DEFB121: variants seen among roughly 807,000 people sequenced by gnomAD.
DEFB121 encodes the protein defensin beta 121.
A neutral mutation model predicts 2.5 loss-of-function variants in DEFB121; 5 were observed. That is an observed-to-expected ratio of 1.96 (90% CI 1.03 to 4.13). The LOEUF (loss-of-function observed/expected upper bound fraction) is 4.13, where lower values mean the gene tolerates loss of function less well. DEFB121 is among the 30% of genes most tolerant of loss of function. The probability of loss-of-function intolerance (pLI) is 0.00; values close to 1 mark genes in which losing one functional copy is unlikely to be tolerated. For synonymous variants in DEFB121, 39 were observed against 32.6 expected (o/e 1.20, Z -0.67); for missense variants, 87 against 85.0 (o/e 1.02, Z -0.09).
the DEFB121 span, among the ~76,000 whole-genome samples, chr20:31,417,998 C>T: frequency 2.6e-5 from 4 of 151,110 alleles, no homozygotes; most frequent in Non-Finnish European, 5.9e-5. Context: ...CGGTGGCTCA[C>T]GCCTGTAATC....
At chr20:31,407,264 G>T (rs1978512981), upstream of DEFB121, among the ~76,000 whole-genome samples, 1 of 152,006 alleles carries the variant, frequency 6.6e-6, no homozygotes, top group Non-Finnish European at 1.5e-5. Flanking sequence ...AAGAAAGAAA[G>T]AAATGGTAGA....
chr20:31,412,159 T>C (rs947953044), intron 1 of DEFB121, among the ~76,000 whole-genome samples: 76 of 152,276 alleles, frequency 5.0e-4, no homozygotes, highest in African/African-American at 1.8e-3. Flanking sequence ...ATAGGAAGCA[T>C]TGGAGGGTAG....
At chr20:31,406,798 T>G (rs901774950), upstream of DEFB121, among the ~76,000 whole-genome samples, 1 of 152,190 alleles carries the variant, frequency 6.6e-6, no homozygotes, top group Non-Finnish European at 1.5e-5. Flanking sequence ...GTGGTCTTTT[T>G]TTTATTATTA....
intron 1 of DEFB121, among the ~76,000 whole-genome samples, chr20:31,412,321 G>A (rs1391936253): frequency 2.6e-5 from 4 of 152,144 alleles, no homozygotes; most frequent in South Asian, 4.1e-4. Context: ...TTGAAGTGAC[G>A]TTTGACAATC....
upstream of DEFB121, among the ~76,000 whole-genome samples, chr20:31,406,879 A>G (rs763146749): frequency 6.6e-6 from 1 of 152,058 alleles, no homozygotes; most frequent in Non-Finnish European, 1.5e-5. Flanking sequence ...AGCTCACTGG[A>G]ACCTCGAATT....
upstream of DEFB121, among the ~76,000 whole-genome samples, chr20:31,413,303 A>C (rs1978711928): frequency 6.6e-6 from 1 of 152,272 alleles, no homozygotes; most frequent in Non-Finnish European, 1.5e-5. Flanking sequence ...TCAAAAGCAC[A>C]CACAAGAAAT....
chr20:31,410,298 G>A (rs1441204536), upstream of DEFB121, among the ~76,000 whole-genome samples: 2 of 152,118 alleles, frequency 1.3e-5, no homozygotes, highest in Non-Finnish European at 2.9e-5. Context: ...TTACAAGTTG[G>A]AGACAAACCT....
upstream of DEFB121, among the ~76,000 whole-genome samples, chr20:31,416,147 A>T (rs1438344638): frequency 6.6e-6 from 1 of 151,800 alleles, no homozygotes. Flanking sequence ...TGCAATCTCC[A>T]CCTCTGGGGT....
At chr20:31,409,092 G>A (rs888885776), upstream of DEFB121, among the ~76,000 whole-genome samples, 1 of 151,522 alleles carries the variant, frequency 6.6e-6, no homozygotes, top group Non-Finnish European at 1.5e-5. Context: ...CAGCCTGGAT[G>A]ACATAGCAAG....
chr20:31,415,456 G>A (rs1393555155), upstream of DEFB121, among the ~76,000 whole-genome samples: 1 of 151,942 alleles, frequency 6.6e-6, no homozygotes, highest in East Asian at 1.9e-4. Context: ...CACCATGTTG[G>A]CCAGGCTGGT....
chr20:31,405,099 G>C lies in DEFB121; in HGVS notation c.59-14C>G. ...AACATTTCATGACTGAAAACAAAAG[G>C]GAAGAAGAGAATAGAGTCAGTTTTG... On this transcript the variant is annotated splice_polypyrimidine_tract_variant and intron_variant, in intron 1 of 1. Transcript: ENST00000376314. 6.3e-7 allele frequency: 1 copy of C among 1,590,522 alleles called. No homozygotes were observed. Among genetic ancestry groups the C allele is most frequent in the Non-Finnish European group, 8.5e-7 (1 of 1,172,414 alleles).
upstream of DEFB121, among the ~76,000 whole-genome samples, chr20:31,416,896 C>A (rs983013038): frequency 1.3e-5 from 2 of 152,092 alleles, no homozygotes; most frequent in African/African-American, 4.8e-5. Flanking sequence ...ACAGTATATT[C>A]TCTTATACTG....
chr20:31,412,559 T>C, intron 1 of DEFB121: 1 of 1,199,990 alleles, frequency 8.3e-7, no homozygotes, highest in Non-Finnish European at 1.1e-6. Context: ...CAGGGAATAG[T>C]GCCTGGCATA....
At chr20:31,413,459 AAAG>A (rs1428669102), upstream of DEFB121, among the ~76,000 whole-genome samples, 1 of 152,216 alleles carries the variant, frequency 6.6e-6, no homozygotes, top group African/African-American at 2.4e-5. Context: ...GTAACCAAAA[AAAG>A]AAGAATCTTG....
upstream of DEFB121, among the ~76,000 whole-genome samples, chr20:31,417,518 C>A (rs1182235709): frequency 2.0e-5 from 3 of 151,634 alleles, no homozygotes; most frequent in Non-Finnish European, 2.9e-5. Flanking sequence ...AATAAGTAGA[C>A]CAGAAACAGG....
At chr20:31,414,024 A>G (rs540944585), upstream of DEFB121, among the ~76,000 whole-genome samples, 1 of 152,294 alleles carries the variant, frequency 6.6e-6, no homozygotes, top group East Asian at 1.9e-4. Context: ...CCTGACCAAT[A>G]TGGAGAAACC....
exon 1 of DEFB121, chr20:31,412,800 C>A: frequency 1.6e-6 from 1 of 617,758 alleles, no homozygotes; most frequent in Non-Finnish European, 2.5e-6. Context: ...AAATCTAAGA[C>A]CCAGAGGGCT....
upstream of DEFB121, among the ~76,000 whole-genome samples, chr20:31,414,871 C>T (rs1045230221): frequency 3.3e-5 from 5 of 152,076 alleles, no homozygotes; most frequent in Non-Finnish European, 7.4e-5. Flanking sequence ...AGCAACATAG[C>T]GAGACCTTGT....
chr20:31,407,443 G>A (rs1454676608), upstream of DEFB121, among the ~76,000 whole-genome samples: 2 of 152,158 alleles, frequency 1.3e-5, no homozygotes, highest in Admixed American at 6.5e-5. Context: ...GTAAGCCTAG[G>A]TTTTAAGAGA....
Sources: allele counts gnomAD v4.1 joint callset (sites outside exome capture counted in the v4.1 genomes callset), GRCh38; gene constraint gnomAD v4.1.1; transcripts MANE v1.5; gene names NCBI Gene and HGNC (gene_info 2026-07-23, HGNC 2026-07-21).